CIMIP6: variants seen among roughly 807,000 people sequenced by gnomAD.
CIMIP6 encodes the protein ciliary microtubule inner protein 6.
chr2:54,345,346 A>G, the CIMIP6 span, among the ~76,000 whole-genome samples: 1 of 152,192 alleles, frequency 6.6e-6, no homozygotes, highest in African/African-American at 2.4e-5. Flanking sequence ...GACTAGGAAG[A>G]TAAGGGTGAG....
At chr2:54,346,873 T>A in the CIMIP6 span, among the ~76,000 whole-genome samples, 1 of 152,252 alleles carries the variant, frequency 6.6e-6, no homozygotes, top group Admixed American at 6.5e-5. Context: ...CTTCTCAACG[T>A]TCATAGAATA....
chr2:54,365,843 G>A, the CIMIP6 span, among the ~76,000 whole-genome samples: 1 of 152,198 alleles, frequency 6.6e-6, no homozygotes, highest in African/African-American at 2.4e-5. Flanking sequence ...TAATTCAGTA[G>A]ATTAAACATA....
the CIMIP6 span, among the ~76,000 whole-genome samples, chr2:54,364,096 C>A: frequency 6.6e-6 from 1 of 152,152 alleles, no homozygotes; most frequent in South Asian, 2.1e-4. Context: ...TGTGGGAAAT[C>A]TGTAATAAAA....
the CIMIP6 span, among the ~76,000 whole-genome samples, chr2:54,373,331 G>A: frequency 9.3e-6 from 1 of 107,126 alleles, no homozygotes. Flanking sequence ...GGGCTGCCCA[G>A]GCCTTCACAC....
At chr2:54,333,125 T>C in the CIMIP6 span, among the ~76,000 whole-genome samples, 1 of 152,222 alleles carries the variant, frequency 6.6e-6, no homozygotes, top group Non-Finnish European at 1.5e-5. Flanking sequence ...TTTCCTGATG[T>C]TGGGCACATG....
At chr2:54,331,331 C>T in the CIMIP6 span, among the ~76,000 whole-genome samples, 18 of 152,048 alleles carry the variant, frequency 1.2e-4, 1 homozygote, top group Non-Finnish European at 2.5e-4. Flanking sequence ...AGTACTGTGC[C>T]CACCCAGTCC....
At chr2:54,369,730 G>C in the CIMIP6 span, among the ~76,000 whole-genome samples, 1 of 152,148 alleles carries the variant, frequency 6.6e-6, no homozygotes, top group East Asian at 1.9e-4. Context: ...AAGGTAGTTT[G>C]TAAACCAATG....
the CIMIP6 span, chr2:54,334,798 T>A: frequency 6.8e-7 from 1 of 1,480,728 alleles, no homozygotes; most frequent in Non-Finnish European, 9.2e-7. Flanking sequence ...GTAAATGGTT[T>A]ACTATTTATG....
At chr2:54,353,257 G>A in the CIMIP6 span, among the ~76,000 whole-genome samples, 1 of 152,182 alleles carries the variant, frequency 6.6e-6, no homozygotes, top group South Asian at 2.1e-4. Flanking sequence ...TTAGGCAGCT[G>A]TAATGTTAAA....
the CIMIP6 span, among the ~76,000 whole-genome samples, chr2:54,370,038 A>AC: frequency 2.6e-5 from 4 of 152,140 alleles, no homozygotes; most frequent in Non-Finnish European, 4.4e-5. Flanking sequence ...CAGGTGGATC[A>AC]CCTGAGGTCA....
chr2:54,345,758 AT>A, the CIMIP6 span, among the ~76,000 whole-genome samples: 1 of 152,352 alleles, frequency 6.6e-6, no homozygotes, highest in South Asian at 2.1e-4. Flanking sequence ...CATAAAATGC[AT>A]TAAAAGGGTC....
chr2:54,367,112 A>G, the CIMIP6 span, among the ~76,000 whole-genome samples: 2 of 152,196 alleles, frequency 1.3e-5, no homozygotes, highest in Admixed American at 1.3e-4. Flanking sequence ...TCCATGACTA[A>G]TCGAGTTAGT....
the CIMIP6 span, among the ~76,000 whole-genome samples, chr2:54,377,932 G>C: frequency 6.6e-6 from 1 of 152,194 alleles, no homozygotes; most frequent in Non-Finnish European, 1.5e-5. Context: ...AATAGAGCAC[G>C]TGTGAAGTAT....
the CIMIP6 span, among the ~76,000 whole-genome samples, chr2:54,376,351 A>C: frequency 2.3e-4 from 35 of 152,328 alleles, no homozygotes; most frequent in African/African-American, 8.2e-4. Flanking sequence ...TTGAAGAAAA[A>C]TAAAATCCAA....
the CIMIP6 span, among the ~76,000 whole-genome samples, chr2:54,338,226 G>A: frequency 6.6e-6 from 1 of 151,970 alleles, no homozygotes. Context: ...TTGAGCCCAG[G>A]AGTTTGAAAC....
chr2:54,376,126 C>T, the CIMIP6 span, among the ~76,000 whole-genome samples: 1 of 152,106 alleles, frequency 6.6e-6, no homozygotes, highest in Non-Finnish European at 1.5e-5. Context: ...GCCTCAACCT[C>T]CCCAACTCAA....
At chr2:54,368,910 C>A in the CIMIP6 span, among the ~76,000 whole-genome samples, 2 of 152,176 alleles carry the variant, frequency 1.3e-5, no homozygotes, top group Admixed American at 6.5e-5. Context: ...CTTTTATTTG[C>A]TGATTTTTAA....
At chr2:54,360,452 A>G in the CIMIP6 span, 1 of 1,589,576 alleles carries the variant, frequency 6.3e-7, no homozygotes, top group Non-Finnish European at 8.6e-7. Context: ...GGCATGCCCC[A>G]GCACTCCTGA....
the CIMIP6 span, among the ~76,000 whole-genome samples, chr2:54,381,450 C>G: frequency 6.6e-6 from 1 of 152,232 alleles, no homozygotes; most frequent in East Asian, 1.9e-4. Flanking sequence ...CCTATGTTTT[C>G]TCACGTTTTC....
Sources: allele counts gnomAD v4.1 joint callset (sites outside exome capture counted in the v4.1 genomes callset), GRCh38; gene constraint gnomAD v4.1.1; transcripts MANE v1.5; gene names NCBI Gene and HGNC (gene_info 2026-07-23, HGNC 2026-07-21).